The following MARCHF1 variants were observed in gnomAD, a reference collection of about 807,000 sequenced individuals.
The protein encoded by MARCHF1 is membrane associated ring-CH-type finger 1, also known as E3 ubiquitin-protein ligase MARCHF1.
Under a neutral mutation model 54.2 loss-of-function variants are expected in MARCHF1, and 40 were observed. The observed-to-expected ratio is 0.74, with a 90% CI of 0.57 to 0.96. The LOEUF is 0.96. Ranked by LOEUF, MARCHF1 falls within the 40% of genes least tolerant of loss-of-function variation. The pLI is 0.00. For missense variants in MARCHF1, 586 were observed against 656.5 expected, an observed-to-expected ratio of 0.89 and a Z score of 1.17; for synonymous variants, 236 against 236.3, an observed-to-expected ratio of 1.00 and a Z score of 0.01.
intron 1 of MARCHF1, among the ~76,000 whole-genome samples, chr4:164,268,725 A>C (rs1163276720): frequency 1.3e-5 from 2 of 152,188 alleles, no homozygotes; most frequent in Non-Finnish European, 2.9e-5. Flanking sequence ...ACTACTATTA[A>C]AATATAAAGA....
At chr4:163,554,608 TA>T (rs1739223756) in intron 8 of MARCHF1, among the ~76,000 whole-genome samples, 1 of 152,188 alleles carries the variant, frequency 6.6e-6, no homozygotes, top group Non-Finnish European at 1.5e-5. Context: ...TCAAGTAACC[TA>T]ACCTCCTAAT....
intron 3 of MARCHF1, among the ~76,000 whole-genome samples, chr4:163,876,440 C>T (rs1750291460): frequency 1.3e-5 from 2 of 152,288 alleles, no homozygotes; most frequent in East Asian, 3.9e-4. Flanking sequence ...CCTGTTTCTT[C>T]CCTCCAACTA....
At chr4:164,364,107 G>A (rs1730806117) in intron 1 of MARCHF1, among the ~76,000 whole-genome samples, 1 of 152,084 alleles carries the variant, frequency 6.6e-6, no homozygotes, top group Admixed American at 6.6e-5. Context: ...AGGGAAGGGA[G>A]AGACCAGACA....
chr4:164,005,272 G>C (rs1745599239), intron 2 of MARCHF1, among the ~76,000 whole-genome samples: 1 of 152,068 alleles, frequency 6.6e-6, no homozygotes, highest in South Asian at 2.1e-4. Context: ...AGTGTGAGTA[G>C]CCCTAATTTT....
intron 3 of MARCHF1, among the ~76,000 whole-genome samples, chr4:163,923,742 A>G (rs1366117807): frequency 1.3e-5 from 2 of 151,070 alleles, no homozygotes; most frequent in African/African-American, 4.8e-5. Context: ...TTAAGTCTTC[A>G]TGATTTTGAA....
At chr4:164,220,351 T>C (rs1034744544) in intron 1 of MARCHF1, among the ~76,000 whole-genome samples, 11 of 146,834 alleles carry the variant, frequency 7.5e-5, no homozygotes, top group South Asian at 4.2e-4. Flanking sequence ...TATATATGAA[T>C]CCCTATATAC....
At chr4:163,950,623 T>C (rs1752116051) in intron 3 of MARCHF1, among the ~76,000 whole-genome samples, 1 of 152,128 alleles carries the variant, frequency 6.6e-6, no homozygotes, top group Non-Finnish European at 1.5e-5. Context: ...TCCCGCTGGC[T>C]CCGTGGGGCA....
rs746379754 is a variant in MARCHF1 at position 163,527,013 on chromosome 4, A to G, written c.*1735T>C. 7 of 151,854 alleles carry G rather than the reference A, an allele frequency of 4.6e-5. No homozygotes were observed. The highest frequency in any genetic ancestry group is 8.8e-5 in the Non-Finnish European group (6 of 67,866). The allele number at this position is 151,854 out of a possible 1,614,324, so 9.4% of individuals were successfully genotyped here. ...GAAGAACAAGCACACTGATAATTACAAAGTGCATCCATGTGATACCCAGAT... is the reference window on the plus strand; with the variant it reads ...GAAGAACAAGCACACTGATAATTACGAAGTGCATCCATGTGATACCCAGAT... On this transcript the variant is annotated 3_prime_UTR_variant, in exon 10 of 10. Coordinates refer to ENST00000514618, the MANE Select transcript of MARCHF1 (RefSeq NM_001394959.1).
intron 1 of MARCHF1, among the ~76,000 whole-genome samples, chr4:164,327,642 G>A (rs1197333291): frequency 1.1e-4 from 16 of 152,322 alleles, no homozygotes; most frequent in Non-Finnish European, 2.9e-5. Context: ...ACTGGAGGCT[G>A]AGAGGCCAGT....
chr4:164,017,194 A>G (rs1481079512), intron 2 of MARCHF1, among the ~76,000 whole-genome samples: 1 of 152,066 alleles, frequency 6.6e-6, no homozygotes, highest in African/African-American at 2.4e-5. Flanking sequence ...GATATTTAGG[A>G]TATTTATGAA....
chr4:164,023,303 A>T (rs544833024), intron 2 of MARCHF1, among the ~76,000 whole-genome samples: 19 of 152,300 alleles, frequency 1.2e-4, no homozygotes, highest in African/African-American at 4.6e-4. Flanking sequence ...CAAGGCCCAG[A>T]AGTAGACCAG....
intron 1 of MARCHF1, among the ~76,000 whole-genome samples, chr4:164,255,481 G>A (rs1482404840): frequency 6.7e-6 from 1 of 149,688 alleles, no homozygotes; most frequent in Non-Finnish European, 1.5e-5. Context: ...CTTCAACAAC[G>A]CCACGCATGA....
chr4:164,127,847 C>G (rs1204784932), intron 1 of MARCHF1, among the ~76,000 whole-genome samples: 2 of 152,074 alleles, frequency 1.3e-5, no homozygotes, highest in African/African-American at 2.4e-5. Flanking sequence ...TAAACTCTAA[C>G]AGGTTGATAC....
At chr4:164,341,156 G>T (rs774117779) in intron 1 of MARCHF1, among the ~76,000 whole-genome samples, 24 of 151,970 alleles carry the variant, frequency 1.6e-4, no homozygotes, top group Admixed American at 3.9e-4. Context: ...TGCAGAGAAA[G>T]TATTTGACAA....
intron 7 of MARCHF1, among the ~76,000 whole-genome samples, chr4:163,597,892 A>C (rs1457770570): frequency 2.0e-5 from 3 of 152,172 alleles, no homozygotes; most frequent in Non-Finnish European, 2.9e-5. Flanking sequence ...ATTTTTACAG[A>C]AATATAAACT....
At chr4:164,069,842 T>C (rs897181504) in intron 2 of MARCHF1, among the ~76,000 whole-genome samples, 3 of 152,156 alleles carry the variant, frequency 2.0e-5, no homozygotes, top group African/African-American at 4.8e-5. Flanking sequence ...AAATTTACAA[T>C]AGAGAAGACG....
At chr4:164,147,140 G>A (rs533051818) in intron 1 of MARCHF1, among the ~76,000 whole-genome samples, 1 of 152,214 alleles carries the variant, frequency 6.6e-6, no homozygotes, top group African/African-American at 2.4e-5. Context: ...TCTCACACCA[G>A]TTAGAATGAC....
intron 1 of MARCHF1, among the ~76,000 whole-genome samples, chr4:164,366,612 T>C (rs1219043935): frequency 1.3e-5 from 2 of 151,914 alleles, no homozygotes; most frequent in Non-Finnish European, 2.9e-5. Context: ...AAATATATTT[T>C]TGATAAAGGA....
chr4:163,692,461 G>T (rs1744492673), intron 5 of MARCHF1, among the ~76,000 whole-genome samples: 1 of 152,136 alleles, frequency 6.6e-6, no homozygotes, highest in Non-Finnish European at 1.5e-5. Flanking sequence ...AGCATGAAGG[G>T]CAAATGCCCT....
Sources: gnomAD v4.1 joint callset for allele counts (sites outside exome capture counted in the v4.1 genomes callset) on GRCh38, gnomAD v4.1.1 for gene constraint, MANE v1.5 for transcripts, NCBI Gene and HGNC (gene_info 2026-07-23, HGNC 2026-07-21) for gene names.